The following MAPK10 variants were observed in gnomAD, a reference collection of about 807,000 sequenced individuals.
The protein encoded by MAPK10 is JNK3 alpha protein kinase.
A neutral mutation model predicts 59.3 loss-of-function variants in MAPK10; 25 were observed. The ratio of observed to expected loss-of-function variants is 0.42; its 90% CI spans 0.31 to 0.59. MAPK10 has a LOEUF of 0.59. Among genes scored for constraint, MAPK10 ranks in the 20% least tolerant of loss-of-function variants. MAPK10 has a pLI of 0.15. For missense variants in MAPK10, 351 were observed against 568.9 expected (o/e 0.62, Z 3.90); for synonymous variants, 190 against 200.5 (o/e 0.95, Z 0.44).
Position 86,479,917 on chromosome 4 carries a change from G to A in MAPK10, c.-263+113993C>T, listed in dbSNP as rs557274400. On this transcript the variant is annotated intron_variant, in intron 1 of 4. Coordinates refer to the MAPK10 transcript ENST00000502302. Reference sequence around the variant, plus strand: ...CTTCAGCTTAATCTCTCCCACTCTAGGTTCCCACGCCACCCCTAATCCTGC... The same window carrying A: ...CTTCAGCTTAATCTCTCCCACTCTAAGTTCCCACGCCACCCCTAATCCTGC... Among the ~76,000 whole-genome samples the A allele has an allele frequency of 1.6e-4, 24 of 151,856 alleles. No homozygotes were observed. The East Asian group carries it at 4.5e-3, about 28-fold the overall frequency.
chr4:86,321,945 C>T (rs866488523), intron 2 of MAPK10: 20 of 151,966 alleles, frequency 1.3e-4, no homozygotes, highest in African/African-American at 3.4e-4. Flanking sequence ...AATCTTCTCT[C>T]CTCAGCCTCC....
At chr4:86,135,082 A>G (rs2061696616) in intron 4 of MAPK10, among the ~76,000 whole-genome samples, 1 of 152,156 alleles carries the variant, frequency 6.6e-6, no homozygotes, top group African/African-American at 2.4e-5. Flanking sequence ...CTGAGATCAA[A>G]CTGCAAGGCA....
intron 1 of MAPK10, among the ~76,000 whole-genome samples, chr4:86,418,452 T>C (rs1746118541): frequency 6.6e-6 from 1 of 152,234 alleles, no homozygotes; most frequent in Non-Finnish European, 1.5e-5. Context: ...AAATCATTTG[T>C]ACGAAATGCA....
intron 3 of MAPK10, among the ~76,000 whole-genome samples, chr4:86,159,798 T>C (rs1315901107): frequency 1.3e-5 from 2 of 152,112 alleles, no homozygotes; most frequent in South Asian, 4.1e-4. Flanking sequence ...TGAACATGCA[T>C]TGGTCTCAGA....
chr4:86,519,517 G>A (rs1231200678), intron 1 of MAPK10, among the ~76,000 whole-genome samples: 1 of 152,180 alleles, frequency 6.6e-6, no homozygotes, highest in Non-Finnish European at 1.5e-5. Context: ...GAGTCCTTAT[G>A]TATTAGGTGA....
chr4:86,121,396 C>T (rs1351957056), intron 4 of MAPK10, among the ~76,000 whole-genome samples: 2 of 152,122 alleles, frequency 1.3e-5, no homozygotes, highest in African/African-American at 2.4e-5. Context: ...GGCAAATCCT[C>T]ATGACCTAAT....
intron 1 of MAPK10, among the ~76,000 whole-genome samples, chr4:86,443,271 G>C (rs1042445281): frequency 6.6e-6 from 1 of 152,022 alleles, no homozygotes; most frequent in African/African-American, 2.4e-5. Flanking sequence ...TTCCAGCTGG[G>C]AGAGGTGAAA....
At chr4:86,024,132 G>T (rs896619415) in intron 13 of MAPK10, 3 of 151,836 alleles carry the variant, frequency 2.0e-5, no homozygotes, top group Admixed American at 2.0e-4. Context: ...CACAATTAAA[G>T]TTGAGTAATG....
chr4:86,125,661 TTAAAG>T (rs2059958548), intron 4 of MAPK10: 1 of 152,124 alleles, frequency 6.6e-6, no homozygotes, highest in African/African-American at 2.4e-5. Flanking sequence ...GCAATAAAAT[TTAAAG>T]TATTATTTAT....
chr4:86,211,959 A>C (rs1448625389), intron 2 of MAPK10, among the ~76,000 whole-genome samples: 1 of 152,158 alleles, frequency 6.6e-6, no homozygotes, highest in African/African-American at 2.4e-5. Flanking sequence ...TCTATACAAA[A>C]GAAAATCAGA....
chr4:86,158,279 G>A (rs957140913), intron 4 of MAPK10, among the ~76,000 whole-genome samples: 7 of 151,586 alleles, frequency 4.6e-5, no homozygotes, highest in African/African-American at 1.5e-4. Flanking sequence ...CAGCACCTCC[G>A]GAAAGGAACC....
chr4:86,196,340 T>A (rs1164990705), intron 2 of MAPK10, among the ~76,000 whole-genome samples: 1 of 152,268 alleles, frequency 6.6e-6, no homozygotes, highest in Non-Finnish European at 1.5e-5. Flanking sequence ...TTTTCATGTT[T>A]GTTGGCTGCA....
intron 2 of MAPK10, among the ~76,000 whole-genome samples, chr4:86,202,789 A>T (rs1296261975): frequency 6.6e-6 from 1 of 152,014 alleles, no homozygotes; most frequent in Non-Finnish European, 1.5e-5. Flanking sequence ...TCTTGCTATG[A>T]AAAGCAGGCA....
At chr4:86,435,525 T>G (rs1258279154) in intron 1 of MAPK10, among the ~76,000 whole-genome samples, 2 of 151,982 alleles carry the variant, frequency 1.3e-5, no homozygotes, top group Non-Finnish European at 2.9e-5. Context: ...GATGGTAAAT[T>G]TTATATGTAT....
Position 86,257,704 on chromosome 4 carries a change from G to T in MAPK10, c.-6-63297C>A, listed in dbSNP as rs936000927. ...CCACATTTTAGCTTTCTATTACCTAGAACAATTCCATTTTTTAACTCTTAA... is the reference window on the plus strand; with the variant it reads ...CCACATTTTAGCTTTCTATTACCTATAACAATTCCATTTTTTAACTCTTAA... On this transcript the variant is annotated intron_variant, in intron 2 of 13. Coordinates refer to ENST00000641462, the MANE Select transcript of MAPK10 (RefSeq NM_138982.4). Among the ~76,000 whole-genome samples the T allele has an allele frequency of 3.3e-5, 5 of 152,024 alleles. 1 individual carries two copies. The highest frequency in any genetic ancestry group is 2.9e-5 in the Non-Finnish European group (2 of 68,006).
intron 9 of MAPK10, among the ~76,000 whole-genome samples, chr4:86,092,145 AT>A (rs948672957): frequency 5.9e-5 from 9 of 152,184 alleles, no homozygotes; most frequent in Non-Finnish European, 1.0e-4. Context: ...TTGCATAAAA[AT>A]AATGCAGAGA....
intron 1 of MAPK10, among the ~76,000 whole-genome samples, chr4:86,521,769 C>T (rs1757129023): frequency 6.6e-6 from 1 of 152,128 alleles, no homozygotes; most frequent in African/African-American, 2.4e-5. Flanking sequence ...CTGCTTCCTG[C>T]CTGCCCACGC....
intron 1 of MAPK10, among the ~76,000 whole-genome samples, chr4:86,587,367 T>G (rs74689380): frequency 0.047 from 7,091 of 152,316 alleles, 220 homozygotes; most frequent in African/African-American, 0.061. Context: ...AAAATAACTT[T>G]TGTATTCAAT....
At chr4:86,230,888 C>A (rs1360296153) in intron 2 of MAPK10, among the ~76,000 whole-genome samples, 1 of 152,132 alleles carries the variant, frequency 6.6e-6, no homozygotes, top group Non-Finnish European at 1.5e-5. Context: ...TTATTCATAA[C>A]CTTTTTTATC....
Sources: allele counts gnomAD v4.1 joint callset (sites outside exome capture counted in the v4.1 genomes callset), GRCh38; gene constraint gnomAD v4.1.1; transcripts MANE v1.5; gene names NCBI Gene and HGNC (gene_info 2026-07-23, HGNC 2026-07-21).